Variants in GRM5 observed in about 807,000 individuals in gnomAD.
GRM5 encodes the protein glutamate metabotropic receptor 5.
In GRM5, 19 loss-of-function variants were observed where a neutral mutation model predicts 83.1. That is an observed-to-expected ratio of 0.23 (90% CI 0.16 to 0.34). The LOEUF (loss-of-function observed/expected upper bound fraction) is 0.34. Ranked by LOEUF, GRM5 falls within the 10% of genes least tolerant of loss-of-function variation. The probability of loss-of-function intolerance (pLI) is 1.00; values close to 1 mark genes in which losing one functional copy is unlikely to be tolerated. For missense variants in GRM5, 1,160 were observed against 1,588.3 expected, an observed-to-expected ratio of 0.73 and a Z score of 4.58; for synonymous variants, 675 against 633.6, an observed-to-expected ratio of 1.07 and a Z score of -0.98.
At position 88,991,754 on chromosome 11, in the gene GRM5, A is replaced by C. The variant is rs917584539; in HGVS notation, c.661+55458T>G. Among the ~76,000 whole-genome samples, 15 of 152,198 alleles carry C rather than the reference A, an allele frequency of 9.9e-5. No individual in the cohort carries two copies. The South Asian group carries it at 1.2e-3, about 13-fold the overall frequency. On this transcript the variant is annotated intron_variant, in intron 2 of 9. Coordinates refer to ENST00000305447, the MANE Select transcript of GRM5 (RefSeq NM_001143831.3). ...CTTTGACAAACCTGACAAAAACAAG[A>C]AATGGGGAAAGGATTCCCTATTTAA...
intron 2 of GRM5, chr11:88,925,625 C>T (rs955221661): frequency 5.2e-6 from 2 of 386,128 alleles, no homozygotes; most frequent in Non-Finnish European, 1.0e-5. Context: ...AGATGTGGCA[C>T]TGGCCGGGTG....
At chr11:89,054,069 G>A (rs1211057558) in intron 1 of GRM5, among the ~76,000 whole-genome samples, 1 of 152,172 alleles carries the variant, frequency 6.6e-6, no homozygotes. Context: ...GATTCCAACA[G>A]CGGAGGAACA....
intron 2 of GRM5, among the ~76,000 whole-genome samples, chr11:89,008,850 C>A (rs188239560): frequency 1.2e-4 from 19 of 152,228 alleles, no homozygotes; most frequent in Non-Finnish European, 2.4e-4. Context: ...ATAGAAGGAA[C>A]AATAAATATG....
chr11:88,786,877 A>C (rs1267330353), intron 3 of GRM5, among the ~76,000 whole-genome samples: 1 of 152,118 alleles, frequency 6.6e-6, no homozygotes, highest in Non-Finnish European at 1.5e-5. Flanking sequence ...TGGGACAAGA[A>C]GAGCTTCTGG....
intron 7 of GRM5, among the ~76,000 whole-genome samples, chr11:88,582,638 A>T (rs905590778): frequency 6.6e-6 from 1 of 152,186 alleles, no homozygotes; most frequent in Non-Finnish European, 1.5e-5. Flanking sequence ...TCTCATCAAA[A>T]CTCATCAGAA....
intron 9 of GRM5, among the ~76,000 whole-genome samples, chr11:88,510,403 C>A (rs1193998391): frequency 6.6e-6 from 1 of 152,228 alleles, no homozygotes; most frequent in Non-Finnish European, 1.5e-5. Flanking sequence ...AGCCTCAGCG[C>A]CCTAGTACCT....
intron 2 of GRM5, among the ~76,000 whole-genome samples, chr11:89,045,397 T>C (rs1941621037): frequency 1.3e-5 from 2 of 152,156 alleles, no homozygotes; most frequent in South Asian, 4.1e-4. Flanking sequence ...AACAATTCTA[T>C]GAAGATCCAA....
intron 3 of GRM5, among the ~76,000 whole-genome samples, chr11:88,840,785 T>A (rs1181729094): frequency 6.6e-6 from 1 of 152,190 alleles, no homozygotes; most frequent in Non-Finnish European, 1.5e-5. Context: ...AATTAGAGAC[T>A]TTGTGTCTGG....
chr11:88,860,780 G>T (rs1944547523), intron 2 of GRM5, among the ~76,000 whole-genome samples: 1 of 152,170 alleles, frequency 6.6e-6, no homozygotes, highest in Admixed American at 6.6e-5. Context: ...TTAAAATGTA[G>T]TATAATGGCT....
chr11:88,700,539 C>T (rs1040406406), intron 3 of GRM5, among the ~76,000 whole-genome samples: 3 of 151,976 alleles, frequency 2.0e-5, no homozygotes, highest in Non-Finnish European at 4.4e-5. Context: ...CTGCATTGTA[C>T]TTCTACTTTG....
At chr11:88,716,381 T>C (rs1941401111) in intron 3 of GRM5, among the ~76,000 whole-genome samples, 1 of 151,834 alleles carries the variant, frequency 6.6e-6, no homozygotes, top group African/African-American at 2.4e-5. Flanking sequence ...GGTGGGTGAT[T>C]AGGCTGAGCA....
chr11:88,614,863 G>C (rs369716617), intron 4 of GRM5, among the ~76,000 whole-genome samples: 1 of 152,136 alleles, frequency 6.6e-6, no homozygotes, highest in South Asian at 2.1e-4. Context: ...GTCATGACTA[G>C]TTTTCTTGTT....
At chr11:88,968,227 G>A (rs1209432034) in intron 2 of GRM5, among the ~76,000 whole-genome samples, 1 of 152,058 alleles carries the variant, frequency 6.6e-6, no homozygotes, top group African/African-American at 2.4e-5. Flanking sequence ...ATTAGATCTG[G>A]TCAGCTGGAA....
At position 88,509,147 on chromosome 11, in the gene GRM5, G is replaced by A. The variant is rs1565316125; in HGVS notation, c.3084C>T (p.Arg1028=). ...CGTCCGTGCGGCTGGCCGAGCCCGCGCGGTGGCTCAGCGTGCTGATGGGCG... is the reference window on the plus strand; with the variant it reads ...CGTCCGTGCGGCTGGCCGAGCCCGCACGGTGGCTCAGCGTGCTGATGGGCG... ...SPSPISTLSH[R]AGSASRTDDD... is the part of the protein sequence containing the mutation. Residue 1028 remains arginine (R), a synonymous_variant, in exon 10 of 10, where the codon CGC becomes CGT. Coordinates refer to ENST00000305447, the MANE Select transcript of GRM5 (RefSeq NM_001143831.3). 3.9e-6 allele frequency: 6 copies of A among 1,540,004 alleles called. No homozygotes were observed. In the Admixed American group the frequency reaches 7.9e-5, roughly 20 times the overall value.
intron 3 of GRM5, among the ~76,000 whole-genome samples, chr11:88,691,730 A>T (rs905570396): frequency 4.6e-5 from 7 of 152,150 alleles, no homozygotes. Context: ...TCTCTTTTCT[A>T]TGACTTACAC....
chr11:88,914,677 C>T (rs1945560494), intron 2 of GRM5, among the ~76,000 whole-genome samples: 1 of 152,178 alleles, frequency 6.6e-6, no homozygotes, highest in Admixed American at 6.5e-5. Context: ...CATATCTTAT[C>T]CTGTACTTTA....
At position 88,776,595 on chromosome 11, in the gene GRM5, T is replaced by C. The variant is rs948201297; in HGVS notation, c.911+73311A>G. On this transcript the variant is annotated intron_variant, in intron 3 of 9. Coordinates refer to ENST00000305447, the MANE Select transcript of GRM5 (RefSeq NM_001143831.3). ...CTTGTACTGGTTGTTTCTTTCCATG[T>C]TTAGTGCTTCCTGCGGGAGCTCTTG... 3.3e-5 allele frequency among the ~76,000 whole-genome samples: 5 copies of C among 152,338 alleles called. 1 individual carries two copies. The South Asian group carries it at 8.3e-4, about 25-fold the overall frequency.
At chr11:88,718,653 C>T (rs559577832) in intron 3 of GRM5, among the ~76,000 whole-genome samples, 1 of 151,958 alleles carries the variant, frequency 6.6e-6, no homozygotes, top group East Asian at 1.9e-4. Flanking sequence ...CTAAAGCCTC[C>T]CTGAATTCCT....
At chr11:88,815,951 C>T (rs371599179) in intron 3 of GRM5, among the ~76,000 whole-genome samples, 2,011 of 148,792 alleles carry the variant, frequency 0.014, 61 homozygotes, top group African/African-American at 0.05. Context: ...CGGTGGCTCA[C>T]GCCTGTAATC....
Sources: gnomAD v4.1 joint callset for allele counts (sites outside exome capture counted in the v4.1 genomes callset) on GRCh38, gnomAD v4.1.1 for gene constraint, MANE v1.5 for transcripts, NCBI Gene and HGNC (gene_info 2026-07-23, HGNC 2026-07-21) for gene names.